NHSL1: variants seen among roughly 807,000 people sequenced by gnomAD.
The protein encoded by NHSL1 is NHS-like protein 1.
A neutral mutation model predicts 95.0 loss-of-function variants in NHSL1; 48 were observed. That is an observed-to-expected ratio of 0.51 (90% confidence interval 0.40 to 0.64). The LOEUF (loss-of-function observed/expected upper bound fraction) is 0.64. Among genes scored for constraint, NHSL1 ranks in the 30% least tolerant of loss-of-function variants. The pLI is 0.00. For synonymous variants in NHSL1, 783 were observed against 833.9 expected, an observed-to-expected ratio of 0.94 and a Z score of 1.05; for missense variants, 1,971 against 2,077.7, an observed-to-expected ratio of 0.95 and a Z score of 1.00.
At chr6:138,640,251 G>T (rs1017408854) in intron 1 of NHSL1, among the ~76,000 whole-genome samples, 1 of 152,126 alleles carries the variant, frequency 6.6e-6, no homozygotes, top group African/African-American at 2.4e-5. Context: ...AAGTGGTATA[G>T]CTAGAAAGTG....
intron 3 of NHSL1, among the ~76,000 whole-genome samples, chr6:138,447,618 A>C (rs912751308): frequency 6.6e-6 from 1 of 152,094 alleles, no homozygotes; most frequent in African/African-American, 2.4e-5. Context: ...ACTAAAAATA[A>C]AAAATTTAGT....
chr6:138,597,759 T>G (rs1348786419), intron 1 of NHSL1, among the ~76,000 whole-genome samples: 1 of 152,212 alleles, frequency 6.6e-6, no homozygotes, highest in African/African-American at 2.4e-5. Flanking sequence ...CTTCTTTAAT[T>G]TCTCCTTACA....
At chr6:138,454,255 T>C (rs901374773) in intron 3 of NHSL1, among the ~76,000 whole-genome samples, 1 of 152,194 alleles carries the variant, frequency 6.6e-6, no homozygotes, top group African/African-American at 2.4e-5. Flanking sequence ...TTATTCTCTT[T>C]GTGTTTTTCT....
chr6:138,651,063 C>A, intron 1 of NHSL1: 1 of 384,668 alleles, frequency 2.6e-6, no homozygotes, highest in Non-Finnish European at 5.0e-6. Context: ...ATTTTGATAA[C>A]ATGCCATAAA....
In NHSL1 at chr6:138,458,952, A is replaced by T. The variant is rs536105701; in HGVS notation, c.340-11759T>A. ...CTTTCTGATATTAACGCCTCTGAGG[A>T]TGTGATATGTCTTTTCAGTTATTCA... On this transcript the variant is annotated intron_variant, in intron 3 of 7. Coordinates refer to ENST00000343505, the MANE Select transcript of NHSL1 (RefSeq NM_001144060.2). 5.9e-5 allele frequency among the ~76,000 whole-genome samples: 9 copies of T among 152,058 alleles called. No individual in the cohort carries two copies. In the South Asian group the frequency reaches 1.9e-3, roughly 32 times the overall value.
At chr6:138,615,047 T>TCAAA (rs199634379) in intron 1 of NHSL1, among the ~76,000 whole-genome samples, 1 of 145,562 alleles carries the variant, frequency 6.9e-6, no homozygotes, top group African/African-American at 2.8e-5. Flanking sequence ...GAATTTGAGT[T>TCAAA]CAGACAAACA....
chr6:138,477,858 G>A (rs968856206), intron 2 of NHSL1, among the ~76,000 whole-genome samples: 2 of 151,876 alleles, frequency 1.3e-5, no homozygotes, highest in African/African-American at 4.8e-5. Flanking sequence ...GACTTGACAC[G>A]TGTTAGATTT....
chr6:138,605,963 A>G (rs180830546), intron 1 of NHSL1, among the ~76,000 whole-genome samples: 2 of 152,290 alleles, frequency 1.3e-5, no homozygotes, highest in Non-Finnish European at 2.9e-5. Flanking sequence ...AGCTCACTTA[A>G]CTTCTCTGAA....
chr6:138,673,767 G>C (rs1272208832), intron 1 of NHSL1, among the ~76,000 whole-genome samples: 1 of 152,182 alleles, frequency 6.6e-6, no homozygotes, highest in African/African-American at 2.4e-5. Flanking sequence ...CTTGACAGGA[G>C]TAATTTTTAA....
chr6:138,610,102 A>C (rs1385580684), intron 1 of NHSL1, among the ~76,000 whole-genome samples: 1 of 152,120 alleles, frequency 6.6e-6, no homozygotes, highest in African/African-American at 2.4e-5. Context: ...GTTTGCTCCC[A>C]CAGGGCCCCA....
intron 1 of NHSL1, among the ~76,000 whole-genome samples, chr6:138,594,901 C>T (rs769025972): frequency 1.3e-5 from 2 of 152,178 alleles, no homozygotes; most frequent in East Asian, 1.9e-4. Context: ...GTTCAGGGGC[C>T]GCCTGCTGTG....
intron 2 of NHSL1, among the ~76,000 whole-genome samples, chr6:138,479,267 CAT>C (rs1435568410): frequency 5.9e-5 from 9 of 152,296 alleles, no homozygotes; most frequent in South Asian, 2.1e-4. Context: ...GCAACGTCAG[CAT>C]ATGATTTTCT....
intron 1 of NHSL1, among the ~76,000 whole-genome samples, chr6:138,544,274 A>G (rs996756885): frequency 6.6e-6 from 1 of 152,164 alleles, no homozygotes; most frequent in Non-Finnish European, 1.5e-5. Context: ...AAACAGTGTC[A>G]TGAGAGCTCA....
At chr6:138,584,420 C>T (rs1784103732) in intron 1 of NHSL1, among the ~76,000 whole-genome samples, 1 of 152,168 alleles carries the variant, frequency 6.6e-6, no homozygotes, top group South Asian at 2.1e-4. Flanking sequence ...CAGCTCTACA[C>T]TTTTTTACAG....
chr6:138,473,055 A>G (rs577159389), intron 3 of NHSL1, among the ~76,000 whole-genome samples: 22 of 152,304 alleles, frequency 1.4e-4, no homozygotes, highest in African/African-American at 5.3e-4. Flanking sequence ...CCTTTTAAAA[A>G]ATTAGGATAG....
At chr6:138,520,382 G>A (rs970101539) in intron 1 of NHSL1, among the ~76,000 whole-genome samples, 8 of 141,900 alleles carry the variant, frequency 5.6e-5, no homozygotes, top group African/African-American at 1.6e-4. Context: ...TCTGCCTCCC[G>A]GGTTCAAGCA....
chr6:138,515,087 T>C (rs1781403951), intron 1 of NHSL1, among the ~76,000 whole-genome samples: 1 of 152,030 alleles, frequency 6.6e-6, no homozygotes, highest in African/African-American at 2.4e-5. Context: ...GACCACATCC[T>C]GGGCAGGATG....
chr6:138,543,331 T>A (rs767269090), intron 1 of NHSL1, among the ~76,000 whole-genome samples: 1 of 152,152 alleles, frequency 6.6e-6, no homozygotes, highest in Non-Finnish European at 1.5e-5. Context: ...TCTGAGATAC[T>A]TCAATAGCAA....
chr6:138,598,627 G>GAAAA (rs35482505), intron 1 of NHSL1, among the ~76,000 whole-genome samples: 21 of 86,718 alleles, frequency 2.4e-4, no homozygotes, highest in East Asian at 3.2e-4. Context: ...TCATCTGGAA[G>GAAAA]AAAAAAAAAA....
Sources: allele counts gnomAD v4.1 joint callset (sites outside exome capture counted in the v4.1 genomes callset), GRCh38; gene constraint gnomAD v4.1.1; transcripts MANE v1.5; gene names NCBI Gene and HGNC (gene_info 2026-07-23, HGNC 2026-07-21).